The following RGS7 variants were observed in gnomAD, a reference collection of about 807,000 sequenced individuals.
The protein encoded by RGS7 is regulator of G protein signaling 7, also known as regulator of G-protein signaling 7.
In RGS7, 27 loss-of-function variants were observed where a neutral mutation model predicts 81.1. The observed-to-expected ratio is 0.33, with a 90% confidence interval of 0.25 to 0.46. The LOEUF is 0.46. RGS7 is among the 20% of genes least tolerant of loss of function. The pLI is 1.00. For missense variants in RGS7, 396 were observed against 607.4 expected, an observed-to-expected ratio of 0.65 and a Z score of 3.66; for synonymous variants, 208 against 207.7, an observed-to-expected ratio of 1.00 and a Z score of -0.01.
chr1:241,024,882 A>G (rs1175404761), intron 3 of RGS7, among the ~76,000 whole-genome samples: 4 of 152,150 alleles, frequency 2.6e-5, no homozygotes, highest in African/African-American at 4.8e-5. Context: ...AGAGTAAGTC[A>G]AAGAGATTGC....
chr1:241,158,359 A>G (rs1558139342), intron 2 of RGS7, among the ~76,000 whole-genome samples: 1 of 152,180 alleles, frequency 6.6e-6, no homozygotes, highest in Non-Finnish European at 1.5e-5. Flanking sequence ...GGATATTCAC[A>G]CAGATATAGA....
chr1:240,776,308 T>C, intron 18 of RGS7, 95 bp from the exon 19 acceptor site: 1 of 939,994 alleles, frequency 1.1e-6, no homozygotes, highest in Non-Finnish European at 1.8e-6. Context: ...GTAGCTGATT[T>C]TTGTGCAAGG....
chr1:241,158,972 T>C (rs2069405044), intron 2 of RGS7, among the ~76,000 whole-genome samples: 1 of 152,188 alleles, frequency 6.6e-6, no homozygotes, highest in Admixed American at 6.5e-5. Context: ...CATCAATTTA[T>C]TTCTGCAATA....
chr1:241,028,805 G>A (rs1179332313), intron 3 of RGS7, among the ~76,000 whole-genome samples: 1 of 152,146 alleles, frequency 6.6e-6, no homozygotes, highest in African/African-American at 2.4e-5. Flanking sequence ...TGGGTAGTGA[G>A]GCAGGATGAG....
chr1:241,267,919 G>C (rs1182561263), intron 2 of RGS7, among the ~76,000 whole-genome samples: 1 of 151,968 alleles, frequency 6.6e-6, no homozygotes, highest in Non-Finnish European at 1.5e-5. Context: ...AACTTCAGTT[G>C]GTTTATTTTA....
At chr1:241,332,045 C>A (rs189360145) in intron 2 of RGS7, among the ~76,000 whole-genome samples, 5 of 152,324 alleles carry the variant, frequency 3.3e-5, no homozygotes, top group African/African-American at 9.6e-5. Flanking sequence ...GCCCCCTCGA[C>A]CTCTGTTACA....
intron 3 of RGS7, among the ~76,000 whole-genome samples, chr1:241,083,225 C>CA (rs11304590): frequency 0.013 from 1,010 of 75,384 alleles, 7 homozygotes; most frequent in African/African-American, 0.02. Flanking sequence ...GACTCTGTCT[C>CA]AAAAAAAAAA....
intron 2 of RGS7, among the ~76,000 whole-genome samples, chr1:241,213,360 G>A (rs997702405): frequency 2.0e-5 from 3 of 152,110 alleles, no homozygotes; most frequent in Non-Finnish European, 4.4e-5. Flanking sequence ...TCAGGCTGTC[G>A]GAACTCATGT....
intron 6 of RGS7, among the ~76,000 whole-genome samples, chr1:240,892,371 G>A (rs1039859191): frequency 6.6e-6 from 1 of 151,844 alleles, no homozygotes; most frequent in Admixed American, 6.6e-5. Flanking sequence ...CTATTTTTTT[G>A]TATGCTCACT....
intron 10 of RGS7, among the ~76,000 whole-genome samples, chr1:240,820,917 T>G (rs1691665417): frequency 6.6e-6 from 1 of 152,142 alleles, no homozygotes; most frequent in Admixed American, 6.5e-5. Context: ...CTATGTGAAA[T>G]GTAATCTCTG....
chr1:240,972,969 G>C (rs1211511942), intron 4 of RGS7, among the ~76,000 whole-genome samples: 6 of 151,644 alleles, frequency 4.0e-5, no homozygotes, highest in Admixed American at 1.3e-4. Flanking sequence ...GGATCACCTG[G>C]GCCTGGGAGG....
At chr1:241,089,061 CTCTATATATATATA>C (rs1175792205) in intron 3 of RGS7, among the ~76,000 whole-genome samples, 8 of 36,904 alleles carry the variant, frequency 2.2e-4, no homozygotes, top group South Asian at 8.9e-4. Flanking sequence ...CTCTCTCTCT[CTCTATATATATATA>C]TATATATATA....
intron 18 of RGS7, among the ~76,000 whole-genome samples, chr1:240,776,627 T>C (rs1682991033): frequency 6.6e-6 from 1 of 152,204 alleles, no homozygotes; most frequent in Admixed American, 6.5e-5. Context: ...GTGAGTGCAT[T>C]CTTGTTCAAT....
chr1:241,286,747 A>C (rs968899069), intron 2 of RGS7, among the ~76,000 whole-genome samples: 2 of 152,172 alleles, frequency 1.3e-5, no homozygotes, highest in Admixed American at 6.5e-5. Context: ...GTAATTTTCC[A>C]GAAGTCTCTG....
intron 2 of RGS7, among the ~76,000 whole-genome samples, chr1:241,208,335 C>A (rs1029874811): frequency 6.6e-6 from 1 of 152,264 alleles, no homozygotes; most frequent in African/African-American, 2.4e-5. Flanking sequence ...GGGATGACTA[C>A]GCCAGGCTTA....
At position 241,227,570 on chromosome 1, in the gene RGS7, C is replaced by CAAAAAAA. The variant is rs5782179; in HGVS notation, c.78+128122_78+128128dup. Among the ~76,000 whole-genome samples the CAAAAAAA allele has an allele frequency of 8.5e-3, 873 of 103,174 alleles. 14 individuals are homozygous for CAAAAAAA. Among genetic ancestry groups the CAAAAAAA allele is most frequent in the East Asian group, 0.014 (50 of 3,562 alleles). The allele number at this position is 103,174 out of a possible 152,430, so 67.7% of individuals were successfully genotyped here. Reference sequence around the variant, plus strand: ...ACACACAGTGAGACTCTGTCTCTACCAAAAAAAAAAAAAAAAAAATAGAAC... The same window carrying CAAAAAAA: ...ACACACAGTGAGACTCTGTCTCTACCAAAAAAAAAAAAAAAAAAAAAAAAAATAGAAC... On this transcript the variant is annotated intron_variant, in intron 2 of 18. Transcript: ENST00000440928.
At chr1:241,028,334 G>C (rs1558618079) in intron 3 of RGS7, among the ~76,000 whole-genome samples, 2 of 152,188 alleles carry the variant, frequency 1.3e-5, no homozygotes, top group Non-Finnish European at 2.9e-5. Flanking sequence ...ACATTAAGTT[G>C]TCTGCTAGGA....
At chr1:241,302,950 T>C (rs921061439) in intron 2 of RGS7, among the ~76,000 whole-genome samples, 2 of 152,120 alleles carry the variant, frequency 1.3e-5, no homozygotes, top group African/African-American at 4.8e-5. Context: ...TCATACCTGC[T>C]CAGCCAAAGA....
chr1:240,839,090 T>G (rs934457020), intron 9 of RGS7, among the ~76,000 whole-genome samples: 1 of 152,202 alleles, frequency 6.6e-6, no homozygotes, highest in African/African-American at 2.4e-5. Context: ...AAGACAGCAA[T>G]GCCTATGAGG....
Sources: gnomAD v4.1 joint callset for allele counts (sites outside exome capture counted in the v4.1 genomes callset) on GRCh38, gnomAD v4.1.1 for gene constraint, MANE v1.5 for transcripts, NCBI Gene and HGNC (gene_info 2026-07-23, HGNC 2026-07-21) for gene names.